CFAP77: variants seen among roughly 807,000 people sequenced by gnomAD.
CFAP77 encodes cilia and flagella associated protein 77.
A neutral mutation model predicts 31.1 loss-of-function variants in CFAP77; 25 were observed. The observed-to-expected ratio is 0.80, with a 90% confidence interval of 0.59 to 1.12. CFAP77 has a LOEUF of 1.12. Among genes scored for constraint, CFAP77 ranks in the 50% most tolerant of loss-of-function variants. The probability of loss-of-function intolerance (pLI) is 0.00; values close to 1 mark genes in which losing one functional copy is unlikely to be tolerated. For missense variants in CFAP77, 377 were observed against 397.3 expected, an observed-to-expected ratio of 0.95 and a Z score of 0.44; for synonymous variants, 151 against 159.9, an observed-to-expected ratio of 0.94 and a Z score of 0.42.
At chr9:132,468,358 C>A (rs1035221595) in intron 1 of CFAP77, among the ~76,000 whole-genome samples, 11 of 152,022 alleles carry the variant, frequency 7.2e-5, no homozygotes, top group African/African-American at 1.9e-4. Context: ...AAACAAAAAA[C>A]CACAGATTAG....
At position 132,410,305 on chromosome 9, in the gene CFAP77, A is replaced by G. The variant is rs1301154097; in HGVS notation, c.34A>G (p.Thr12Ala). ...PEARSSGPDL[T>A]RWRKQQQPVR... The stretch of plus-strand genomic sequence containing the variant: ...GGCCAGGAGCTCCGGCCCGGACCTC[A>G]CGCGATGGAGGAAGCAGCAGCAGCC... The change falls in exon 1 of 6, where the codon ACG becomes GCG. Residue 12 changes from threonine (T) to alanine (A), a missense_variant. Thr to Ala is a moderately conservative substitution (Grantham distance 58). Coordinates refer to ENST00000393216, the MANE Select transcript of CFAP77 (RefSeq NM_001282957.2). 3 of 1,592,798 alleles carry G rather than the reference A, an allele frequency of 1.9e-6. No individual in the cohort carries two copies. Among genetic ancestry groups the G allele is most frequent in the African/African-American group, 1.4e-5 (1 of 72,552 alleles).
intron 1 of CFAP77, chr9:132,482,187 CT>C (rs554130309): frequency 0.043 from 20,020 of 460,976 alleles, 176 homozygotes; most frequent in African/African-American, 0.097. Flanking sequence ...TTCTTTCTTT[CT>C]TTTTTTTTTT....
intron 1 of CFAP77, among the ~76,000 whole-genome samples, chr9:132,476,815 C>A: frequency 6.6e-6 from 1 of 152,116 alleles, no homozygotes; most frequent in South Asian, 2.1e-4. Flanking sequence ...GGAATGAGTC[C>A]CCCCTCGGAG....
intron 1 of CFAP77, among the ~76,000 whole-genome samples, chr9:132,444,978 T>C (rs868258228): frequency 3.3e-4 from 49 of 149,950 alleles, no homozygotes; most frequent in South Asian, 2.7e-3. Flanking sequence ...TTCTTTCTTT[T>C]TTTTTTTTTT....
At chr9:132,427,268 C>T (rs771033102) in intron 1 of CFAP77, among the ~76,000 whole-genome samples, 26 of 152,186 alleles carry the variant, frequency 1.7e-4, no homozygotes, top group Non-Finnish European at 7.3e-5. Flanking sequence ...AGCCCATTCA[C>T]GGCTTCCTTC....
At chr9:132,473,837 C>T (rs915723669) in intron 1 of CFAP77, among the ~76,000 whole-genome samples, 1 of 152,228 alleles carries the variant, frequency 6.6e-6, no homozygotes, top group African/African-American at 2.4e-5. Flanking sequence ...GCGTGCACCA[C>T]CACGCCCGGC....
At chr9:132,506,809 C>T (rs548575432) in intron 3 of CFAP77, among the ~76,000 whole-genome samples, 3 of 152,154 alleles carry the variant, frequency 2.0e-5, no homozygotes, top group Non-Finnish European at 4.4e-5. Context: ...TGCTTCTATC[C>T]CCGTTTTACA....
chr9:132,503,953 T>G (rs932029722), intron 3 of CFAP77, among the ~76,000 whole-genome samples: 1 of 152,086 alleles, frequency 6.6e-6, no homozygotes, highest in African/African-American at 2.4e-5. Context: ...GCATGAGAAT[T>G]GCTTGAACCT....
Position 132,499,316 on chromosome 9 carries a change from TC to T in CFAP77, c.296-55del, listed in dbSNP as rs1238282258. The T allele has an allele frequency of 6.6e-7, 1 of 1,523,626 alleles. No homozygotes were observed. Among genetic ancestry groups the T allele is most frequent in the Admixed American group, 1.7e-5 (1 of 58,968 alleles). The allele number at this position is 1,523,626 out of a possible 1,614,324, so 94.4% of individuals were successfully genotyped here. A position where few individuals can be genotyped will look rare whatever the true frequency, so the allele number is the denominator to read the frequency against. On this transcript the variant is annotated intron_variant, in intron 2 of 5. Coordinates refer to ENST00000393216, the MANE Select transcript of CFAP77 (RefSeq NM_001282957.2). This position sits in a 1 kb window ranked among gnomAD's most constrained non-coding sequence, Gnocchi z 5.4. ...CCCCATTTCTTCTCGATCAGCTGCC[TC>T]AGGGTGCTTACTCCCAGGCTGACCA...
intron 1 of CFAP77, among the ~76,000 whole-genome samples, chr9:132,434,324 C>A (rs1010568336): frequency 1.3e-5 from 2 of 151,854 alleles, no homozygotes; most frequent in Non-Finnish European, 2.9e-5. Context: ...AAATGTCTGT[C>A]CTTGTGGGTT....
chr9:132,473,485 A>T (rs909514934), intron 1 of CFAP77, among the ~76,000 whole-genome samples: 1 of 152,164 alleles, frequency 6.6e-6, no homozygotes, highest in African/African-American at 2.4e-5. Flanking sequence ...AACCCAGGCA[A>T]GTTGTAGTTC....
chr9:132,496,719 A>G (rs1851749008), intron 1 of CFAP77, among the ~76,000 whole-genome samples: 1 of 152,200 alleles, frequency 6.6e-6, no homozygotes, highest in Admixed American at 6.5e-5. Context: ...GTGCCACCAT[A>G]TAATAAGGAG....
intron 5 of CFAP77, among the ~76,000 whole-genome samples, chr9:132,571,356 C>T (rs1219931416): frequency 2.6e-5 from 4 of 152,164 alleles, no homozygotes; most frequent in Admixed American, 2.6e-4. Context: ...CCAACCCATC[C>T]TTCGAGACCC....
chr9:132,499,248 C>G lies in CFAP77; in HGVS notation c.296-124C>G. On this transcript the variant is annotated intron_variant, in intron 2 of 5. Coordinates refer to ENST00000393216, the MANE Select transcript of CFAP77 (RefSeq NM_001282957.2). This position sits in a 1 kb window ranked among gnomAD's most constrained non-coding sequence, Gnocchi z 5.4. The stretch of plus-strand genomic sequence containing the variant: ...TTCTGGGGGCCAGGCAGGGTTGTCA[C>G]CCAGTAGGCTCAGGTAAATGGGAAG... 2.4e-6 allele frequency: 2 copies of G among 820,784 alleles called. No individual in the cohort carries two copies. The highest frequency in any genetic ancestry group is 3.8e-6 in the Non-Finnish European group (2 of 523,978). 50.8% of individuals were successfully genotyped at this position (820,784 alleles called of 1,614,324 possible).
intron 3 of CFAP77, among the ~76,000 whole-genome samples, chr9:132,531,249 A>G (rs1447070002): frequency 6.6e-6 from 1 of 152,188 alleles, no homozygotes; most frequent in Non-Finnish European, 1.5e-5. Context: ...ACAAGAAATA[A>G]TTACTGAGAG....
chr9:132,493,982 G>C (rs893216788), intron 1 of CFAP77, among the ~76,000 whole-genome samples: 3 of 150,652 alleles, frequency 2.0e-5, no homozygotes, highest in Non-Finnish European at 4.4e-5. Context: ...TTCAATCATG[G>C]CTCACTGCAG....
chr9:132,440,355 G>A (rs1326611394), intron 1 of CFAP77, among the ~76,000 whole-genome samples: 1 of 151,586 alleles, frequency 6.6e-6, no homozygotes. Context: ...AATAATAATA[G>A]TAATAATAAT....
At chr9:132,475,126 A>C (rs747679551) in intron 1 of CFAP77, among the ~76,000 whole-genome samples, 30 of 152,238 alleles carry the variant, frequency 2.0e-4, no homozygotes, top group Non-Finnish European at 3.4e-4. Context: ...GGAGACTTTC[A>C]TTATCTGCTG....
intron 1 of CFAP77, among the ~76,000 whole-genome samples, chr9:132,486,100 T>A (rs1851552592): frequency 3.3e-5 from 3 of 89,628 alleles, no homozygotes; most frequent in South Asian, 3.3e-4. Flanking sequence ...ATTTTTTTTT[T>A]TTTTTTTTTT....
Sources: allele counts gnomAD v4.1 joint callset (sites outside exome capture counted in the v4.1 genomes callset), GRCh38; gene constraint gnomAD v4.1.1; non-coding constraint Gnocchi (gnomAD v3.1); transcripts MANE v1.5; gene names NCBI Gene and HGNC (gene_info 2026-07-23, HGNC 2026-07-21).